The following EHBP1 variants were observed in gnomAD, a reference collection of about 807,000 sequenced individuals.
The protein encoded by EHBP1 is EH domain-binding protein 1.
Under a neutral mutation model 144.0 loss-of-function variants are expected in EHBP1, and 55 were observed. The observed-to-expected ratio is 0.38, with a 90% CI of 0.31 to 0.48. The LOEUF is 0.48. Among genes scored for constraint, EHBP1 ranks in the 20% least tolerant of loss-of-function variants. EHBP1 has a pLI of 0.98. For synonymous variants in EHBP1, 469 were observed against 472.7 expected, an observed-to-expected ratio of 0.99 and a Z score of 0.10; for missense variants, 1,200 against 1,364.2, an observed-to-expected ratio of 0.88 and a Z score of 1.90.
At position 63,003,952 on chromosome 2, in the gene EHBP1, A is replaced by C. The variant is rs2153230148; in HGVS notation, c.3103+7186A>C. 2.6e-5 allele frequency among the ~76,000 whole-genome samples: 4 copies of C among 152,206 alleles called. No individual in the cohort carries two copies. The Middle Eastern group carries it at 0.014, about 518-fold the overall frequency. On this transcript the variant is annotated intron_variant, in intron 19 of 22. Transcript: ENST00000431489. The stretch of plus-strand genomic sequence containing the variant: ...AGACAATACCATCTTGATGCTGTTA[A>C]AGCATTGTAGTCTTTTAGAAATTAT...
At chr2:62,862,630 A>G (rs184329021) in intron 8 of EHBP1, among the ~76,000 whole-genome samples, 73 of 152,266 alleles carry the variant, frequency 4.8e-4, no homozygotes, top group Non-Finnish European at 8.5e-4. Flanking sequence ...AAAAAATAAA[A>G]GTAATTAATA....
intron 19 of EHBP1, among the ~76,000 whole-genome samples, chr2:63,019,509 C>A (rs931472024): frequency 1.3e-5 from 2 of 152,048 alleles, no homozygotes; most frequent in Non-Finnish European, 2.9e-5. Flanking sequence ...GAGTTTGAGA[C>A]CAGCCTGGCC....
chr2:62,907,677 A>G (rs1016093558), intron 10 of EHBP1, among the ~76,000 whole-genome samples: 3 of 152,212 alleles, frequency 2.0e-5, no homozygotes, highest in African/African-American at 7.2e-5. Context: ...TCCAAAAACT[A>G]TCTCCTAGTA....
chr2:62,779,306 A>G (rs902700254), intron 5 of EHBP1, among the ~76,000 whole-genome samples: 5 of 152,234 alleles, frequency 3.3e-5, no homozygotes, highest in African/African-American at 9.6e-5. Context: ...ATAATTAAGA[A>G]TGGTTTAGTC....
At chr2:62,820,737 A>AATATATATATATATATATAT (rs57039974) in intron 5 of EHBP1, among the ~76,000 whole-genome samples, 1 of 54,652 alleles carries the variant, frequency 1.8e-5, no homozygotes, top group Non-Finnish European at 3.2e-5. Context: ...GTGTGTGTAT[A>AATATATATATATATATATAT]ATATATATAT....
chr2:62,874,062 A>G (rs527648878), intron 9 of EHBP1, among the ~76,000 whole-genome samples: 2 of 152,324 alleles, frequency 1.3e-5, no homozygotes, highest in African/African-American at 2.4e-5. Context: ...ACGATTTACT[A>G]TTGTTAATAT....
intron 7 of EHBP1, among the ~76,000 whole-genome samples, chr2:62,845,639 A>G (rs1305177471): frequency 1.3e-5 from 2 of 150,418 alleles, no homozygotes; most frequent in Non-Finnish European, 3.0e-5. Context: ...CCTGGCATCC[A>G]CCCACCAGTA....
chr2:63,022,871 A>T (rs1016885577), intron 19 of EHBP1, among the ~76,000 whole-genome samples: 1 of 151,964 alleles, frequency 6.6e-6, no homozygotes, highest in Non-Finnish European at 1.5e-5. Context: ...GTTGATACCT[A>T]TTTTTTTTAA....
chr2:63,035,527 A>T (rs1444916169), intron 19 of EHBP1, among the ~76,000 whole-genome samples: 1 of 152,110 alleles, frequency 6.6e-6, no homozygotes, highest in Non-Finnish European at 1.5e-5. Flanking sequence ...ATTGAAGAAA[A>T]TGATGCTAAT....
Position 62,884,403 on chromosome 2 carries a change from C to G in EHBP1, c.1185+9871C>G, listed in dbSNP as rs138913794. Among the ~76,000 whole-genome samples, 3 of 152,130 alleles carry G rather than the reference C, an allele frequency of 2.0e-5. No homozygotes were observed. The South Asian group carries it at 6.2e-4, about 32-fold the overall frequency. On this transcript the variant is annotated intron_variant, in intron 10 of 22. Coordinates refer to ENST00000431489, the MANE Select transcript of EHBP1 (RefSeq NM_001142616.3). The stretch of plus-strand genomic sequence containing the variant: ...AAATTTACCCTCAGAGGAAGTCACT[C>G]TTAGGCTTGACCAGTGTTATCAAAT...
intron 19 of EHBP1, among the ~76,000 whole-genome samples, chr2:63,027,380 AG>A (rs1248098961): frequency 6.6e-6 from 1 of 152,238 alleles, no homozygotes; most frequent in Non-Finnish European, 1.5e-5. Context: ...TGTGTACTCA[AG>A]TGAAGAGAAT....
chr2:62,951,544 G>GGA (rs1553485996), intron 13 of EHBP1, among the ~76,000 whole-genome samples: 1 of 140,678 alleles, frequency 7.1e-6, no homozygotes, highest in Non-Finnish European at 1.6e-5. Context: ...TGGGGGGGGG[G>GGA]GGTGGAGTCT....
upstream of EHBP1, among the ~76,000 whole-genome samples, chr2:62,704,522 C>A (rs1432422025): frequency 1.3e-5 from 2 of 152,224 alleles, no homozygotes. Flanking sequence ...ATTGAATGAT[C>A]CTTGTTTCCA....
At chr2:62,731,974 A>C (rs1158144403) in intron 2 of EHBP1, among the ~76,000 whole-genome samples, 1 of 152,142 alleles carries the variant, frequency 6.6e-6, no homozygotes, top group East Asian at 1.9e-4. Flanking sequence ...GTTTCACTGG[A>C]TACAGAATTC....
chr2:62,976,480 T>A (rs1173203395), intron 14 of EHBP1, among the ~76,000 whole-genome samples: 1 of 152,216 alleles, frequency 6.6e-6, no homozygotes, highest in Admixed American at 6.5e-5. Context: ...ATTGCCCTTT[T>A]AAAATTTTCA....
intron 14 of EHBP1, among the ~76,000 whole-genome samples, chr2:62,956,733 A>G (rs2057720214): frequency 6.6e-6 from 1 of 151,996 alleles, no homozygotes. Flanking sequence ...ACTGGCAAAA[A>G]ACAACCATCT....
At chr2:62,916,762 A>G (rs1332410020) in intron 10 of EHBP1, among the ~76,000 whole-genome samples, 1 of 149,430 alleles carries the variant, frequency 6.7e-6, no homozygotes, top group East Asian at 1.9e-4. Context: ...ATTTTATAAT[A>G]TTGTGTATGT....
chr2:62,830,296 C>T (rs369505512), intron 6 of EHBP1, among the ~76,000 whole-genome samples: 27 of 151,690 alleles, frequency 1.8e-4, no homozygotes, highest in East Asian at 9.7e-4. Context: ...CCACCACGCC[C>T]GGCTAATTTT....
intron 2 of EHBP1, among the ~76,000 whole-genome samples, chr2:62,733,456 G>T (rs1286421641): frequency 6.6e-6 from 1 of 152,158 alleles, no homozygotes; most frequent in African/African-American, 2.4e-5. Flanking sequence ...GTAAGGTGTG[G>T]AGGAATGGGA....
Sources: allele counts gnomAD v4.1 joint callset (sites outside exome capture counted in the v4.1 genomes callset), GRCh38; gene constraint gnomAD v4.1.1; transcripts MANE v1.5; gene names NCBI Gene and HGNC (gene_info 2026-07-23, HGNC 2026-07-21).